ARL6: variants seen among roughly 807,000 people sequenced by gnomAD.
ARL6 encodes ADP-ribosylation factor-like protein 6.
In ARL6, 18 loss-of-function variants were observed where a neutral mutation model predicts 27.1. The ratio of observed to expected loss-of-function variants is 0.66; its 90% CI spans 0.46 to 0.98. ARL6 has a LOEUF of 0.98. Among genes scored for constraint, ARL6 ranks in the 50% least tolerant of loss-of-function variants. The probability of loss-of-function intolerance (pLI) is 0.00; values close to 1 mark genes in which losing one functional copy is unlikely to be tolerated. For missense variants in ARL6, 187 were observed against 214.9 expected, an observed-to-expected ratio of 0.87 and a Z score of 0.81; for synonymous variants, 65 against 72.3, an observed-to-expected ratio of 0.90 and a Z score of 0.51.
chr3:97,768,003 C>CT (rs935050423), intron 1 of ARL6, 78 bp from the exon 2 acceptor site: 23 of 1,304,798 alleles, frequency 1.8e-5, no homozygotes, highest in South Asian at 9.7e-5. Flanking sequence ...AAATTATTAC[C>CT]TTTTTTTAAT....
At position 97,788,001 on chromosome 3, in the gene ARL6, C is replaced by A; in HGVS notation, c.361C>A (p.Arg121Ser). The A allele has an allele frequency of 1.2e-6, 2 of 1,613,046 alleles. No individual in the cohort carries two copies. The highest frequency in any genetic ancestry group is 1.7e-6 in the Non-Finnish European group (2 of 1,179,388). The change falls in exon 6 of 8, where the codon CGT (arginine) becomes AGT (serine). Residue 121 changes from arginine (R) to serine (S), a missense_variant. Transcript: ENST00000463745. ...TLLNHPDIKH[R>S]RIPILFFANK... is the part of the protein sequence containing the mutation. ...ATTTTCTCTTTTAGATATTAAACAC[C>A]GTCGAATTCCAATCTTATTCTTTGC...
At chr3:97,768,463 A>G (rs1004437170) in intron 2 of ARL6, among the ~76,000 whole-genome samples, 2 of 152,106 alleles carry the variant, frequency 1.3e-5, no homozygotes, top group Admixed American at 1.3e-4. Context: ...AGTTCTTCAC[A>G]GATTTACTGA....
intron 7 of ARL6, among the ~76,000 whole-genome samples, chr3:97,797,390 A>G (rs1250971809): frequency 2.6e-5 from 4 of 152,158 alleles, no homozygotes; most frequent in African/African-American, 9.6e-5. Flanking sequence ...AAGAAAAAGT[A>G]TACCACCTGT....
At chr3:97,776,054 T>C (rs887270091) in intron 2 of ARL6, among the ~76,000 whole-genome samples, 2 of 152,228 alleles carry the variant, frequency 1.3e-5, no homozygotes, top group Non-Finnish European at 2.9e-5. Flanking sequence ...TCTGCTGTTA[T>C]TGTATTGCAG....
chr3:97,796,021 T>G (rs2037982905), intron 7 of ARL6, among the ~76,000 whole-genome samples: 3 of 152,076 alleles, frequency 2.0e-5, no homozygotes. Flanking sequence ...ATATTGGAGA[T>G]CCCAAGGAAA....
At chr3:97,781,214 A>AT (rs148658230) in intron 4 of ARL6, among the ~76,000 whole-genome samples, 5,863 of 152,214 alleles carry the variant, frequency 0.039, 207 homozygotes, top group African/African-American at 0.095. Flanking sequence ...TATTGACTAA[A>AT]TTTAGTTAAA....
rs1396665760 is a variant in ARL6, at chr3:97,800,823, C to T, written c.*2774C>T. On this transcript the variant is annotated 3_prime_UTR_variant, in exon 8 of 8. Coordinates refer to ENST00000463745, the MANE Select transcript of ARL6 (RefSeq NM_001278293.3). ...AGCATGGTTGGGTTCTGGTGAGAGC[C>T]GTCTTGGTTGCAGACTGCCATCTTC... 1.3e-5 allele frequency: 2 copies of T among 152,102 alleles called. No homozygotes were observed. Among genetic ancestry groups the T allele is most frequent in the Non-Finnish European group, 2.9e-5 (2 of 68,030 alleles). The allele number at this position is 152,102 out of a possible 1,614,324, so 9.4% of individuals were successfully genotyped here.
intron 2 of ARL6, among the ~76,000 whole-genome samples, chr3:97,777,713 G>A (rs546583960): frequency 4.6e-5 from 7 of 152,282 alleles, no homozygotes; most frequent in Non-Finnish European, 7.4e-5. Flanking sequence ...ATAGAGCAGA[G>A]GGAGATTGAT....
chr3:97,797,986 A>G, intron 7 of ARL6, 38 bp from the exon 8 acceptor site: 3 of 1,599,936 alleles, frequency 1.9e-6, no homozygotes, highest in Non-Finnish European at 2.6e-6. Context: ...ATTTTGCCCT[A>G]TAGAGATTGA....
chr3:97,791,425 A>C (rs978342516), intron 6 of ARL6: 68 of 208,778 alleles, frequency 3.3e-4, no homozygotes, highest in African/African-American at 1.5e-3. Context: ...CATTTCTAAT[A>C]ATGAGATTGA....
At position 97,800,578 on chromosome 3, in the gene ARL6, T is replaced by G. The variant is rs1295603694; in HGVS notation, c.*2529T>G. The G allele has an allele frequency of 6.6e-6, 1 of 152,316 alleles. No individual in the cohort carries two copies. Among genetic ancestry groups the G allele is most frequent in the East Asian group, 1.9e-4 (1 of 5,192 alleles). 9.4% of individuals were successfully genotyped at this position (152,316 alleles called of 1,614,324 possible). ...ATATGTTTGTTTTTTATTTCTAAGC[T>G]CTCTGCGAAAAAGTTACAAATTGTC... is the stretch of plus-strand genomic sequence containing the variant. On this transcript the variant is annotated 3_prime_UTR_variant, in exon 8 of 8. Coordinates refer to ENST00000463745, the MANE Select transcript of ARL6 (RefSeq NM_001278293.3).
At chr3:97,783,847 A>T (rs770354372) in intron 4 of ARL6, among the ~76,000 whole-genome samples, 1 of 151,854 alleles carries the variant, frequency 6.6e-6, no homozygotes, top group Non-Finnish European at 1.5e-5. Flanking sequence ...AACTAGATCA[A>T]GATAATATGC....
In ARL6 at chr3:97,790,117, T is replaced by A. The variant is rs375936113; in HGVS notation, c.480-1654T>A. On this transcript the variant is annotated intron_variant, in intron 6 of 7. Coordinates refer to ENST00000463745, the MANE Select transcript of ARL6 (RefSeq NM_001278293.3). ...CATGTTGTGTGTATGTATACTTGTT[T>A]ACCATCTTGTGGGGGAGACAAATAA... is the stretch of plus-strand genomic sequence containing the variant. Among the ~76,000 whole-genome samples, 4 of 151,616 alleles carry A rather than the reference T, an allele frequency of 2.6e-5. No homozygotes were observed. The East Asian group carries it at 7.8e-4, about 29-fold the overall frequency.
chr3:97,787,785 A>G (rs548335399), intron 5 of ARL6, among the ~76,000 whole-genome samples: 10 of 152,242 alleles, frequency 6.6e-5, no homozygotes, highest in African/African-American at 2.2e-4. Context: ...CAGAGGGCAG[A>G]TGGTCCTAGG....
intron 2 of ARL6, among the ~76,000 whole-genome samples, chr3:97,779,933 A>G (rs187934660): frequency 2.6e-4 from 40 of 152,276 alleles, no homozygotes; most frequent in African/African-American, 8.9e-4. Context: ...AGCATGCCAC[A>G]AGCCACAAAT....
chr3:97,797,114 G>T (rs1446337166), intron 7 of ARL6, among the ~76,000 whole-genome samples: 1 of 152,122 alleles, frequency 6.6e-6, no homozygotes, highest in Non-Finnish European at 1.5e-5. Flanking sequence ...ACCCTAGAAT[G>T]ATAAGGAAGA....
chr3:97,798,256 G>A lies in ARL6; in HGVS notation c.*207G>A. Reference sequence around the variant, plus strand: ...AAAAACTAAATATTCCCTCAAAAGGGCTCCCTAGAATTATCAAGTTCTTAG... The same window carrying A: ...AAAAACTAAATATTCCCTCAAAAGGACTCCCTAGAATTATCAAGTTCTTAG... On this transcript the variant is annotated 3_prime_UTR_variant, in exon 8 of 8. Transcript: ENST00000463745. 1 of 548,486 alleles carries A rather than the reference G, an allele frequency of 1.8e-6. No homozygotes were observed. The highest frequency in any genetic ancestry group is 2.6e-5 in the South Asian group (1 of 38,802). The allele number at this position is 548,486 out of a possible 1,614,324, so 34.0% of individuals were successfully genotyped here.
chr3:97,786,333 CA>C lies in ARL6; in HGVS notation c.349+1295del, dbSNP rs746671505. Among the ~76,000 whole-genome samples the C allele has an allele frequency of 2.0e-3, 262 of 133,816 alleles. 1 individual carries two copies. The highest frequency in any genetic ancestry group is 6.4e-3 in the African/African-American group (232 of 35,988). 87.8% of individuals were successfully genotyped at this position (133,816 alleles called of 152,430 possible). A position where few individuals can be genotyped will look rare whatever the true frequency, so the allele number is the denominator to read the frequency against. On this transcript the variant is annotated intron_variant, in intron 5 of 7. Transcript: ENST00000463745. ...GAGGGCAACGGAGGAGACTCTGTCT[CA>C]AAAAAAAAAACAAAAAACTTAGCAG...
chr3:97,779,842 G>T (rs1014001509), intron 2 of ARL6, among the ~76,000 whole-genome samples: 1 of 151,560 alleles, frequency 6.6e-6, no homozygotes, highest in African/African-American at 2.4e-5. Flanking sequence ...CTCCAGCCTG[G>T]GTGACAGAGT....
Sources: allele counts gnomAD v4.1 joint callset (sites outside exome capture counted in the v4.1 genomes callset), GRCh38; gene constraint gnomAD v4.1.1; transcripts MANE v1.5; gene names NCBI Gene and HGNC (gene_info 2026-07-23, HGNC 2026-07-21).